The following ANXA5 variants were observed in gnomAD, a reference collection of about 807,000 sequenced individuals.
The protein encoded by ANXA5 is CBP-I.
Under a neutral mutation model 48.1 loss-of-function variants are expected in ANXA5, and 40 were observed. The observed-to-expected ratio is 0.83, with a 90% confidence interval of 0.65 to 1.08. The LOEUF (loss-of-function observed/expected upper bound fraction) is 1.08. ANXA5 is among the 50% of genes least tolerant of loss of function. The pLI is 0.00. For synonymous variants in ANXA5, 113 were observed against 129.1 expected (o/e 0.88, Z 0.85); for missense variants, 357 against 376.8 (o/e 0.95, Z 0.44).
chr4:121,683,756 A>G (rs977826845), intron 4 of ANXA5, among the ~76,000 whole-genome samples: 1 of 152,226 alleles, frequency 6.6e-6, no homozygotes, highest in Non-Finnish European at 1.5e-5. Context: ...AAGTAGTCTA[A>G]AACTATTTTA....
At chr4:121,696,737 C>A in intron 1 of ANXA5, 113 bp from the exon 2 acceptor site, 1 of 579,022 alleles carries the variant, frequency 1.7e-6, no homozygotes, top group Non-Finnish European at 2.6e-6. Context: ...GGCCCCGCCA[C>A]GGGGCCGACC....
At chr4:121,687,817 G>T (rs1724918766) in intron 2 of ANXA5, among the ~76,000 whole-genome samples, 1 of 152,162 alleles carries the variant, frequency 6.6e-6, no homozygotes, top group South Asian at 2.1e-4. Context: ...ACTTTGAAGA[G>T]GCTCCCCTGA....
intron 2 of ANXA5, among the ~76,000 whole-genome samples, chr4:121,691,037 G>T (rs1724975206): frequency 6.6e-6 from 1 of 152,168 alleles, no homozygotes; most frequent in African/African-American, 2.4e-5. Context: ...GGCTTCCCCT[G>T]TTTCCTGGAG....
intron 2 of ANXA5, among the ~76,000 whole-genome samples, 178 bp downstream of exon 2, chr4:121,696,403 G>T (rs1025359914): frequency 6.6e-6 from 1 of 152,088 alleles, no homozygotes; most frequent in African/African-American, 2.4e-5. Context: ...GGAAGAACCG[G>T]GACACAGAAA....
Position 121,672,529 on chromosome 4 carries a change from T to G in ANXA5, c.625+4A>C. Reference sequence around the variant, plus strand: ...TCTGCCCCATACAGATTTTTTTCACTCACCCTTTCTCAAATGAGACACACT... The same window carrying G: ...TCTGCCCCATACAGATTTTTTTCACGCACCCTTTCTCAAATGAGACACACT... On this transcript the variant is annotated splice_donor_region_variant and intron_variant, in intron 9 of 12. Transcript: ENST00000296511. 1.2e-6 allele frequency: 2 copies of G among 1,611,554 alleles called. No homozygotes were observed. Among genetic ancestry groups the G allele is most frequent in the Non-Finnish European group, 1.7e-6 (2 of 1,177,990 alleles).
intron 2 of ANXA5, among the ~76,000 whole-genome samples, chr4:121,693,958 TATA>T (rs1198552606): frequency 5.9e-5 from 9 of 152,196 alleles, no homozygotes; most frequent in Non-Finnish European, 8.8e-5. Flanking sequence ...TTTAAATTAT[TATA>T]ATAATTTTAA....
intron 3 of ANXA5, among the ~76,000 whole-genome samples, chr4:121,685,225 G>A (rs1277695238): frequency 6.6e-6 from 1 of 151,878 alleles, no homozygotes; most frequent in East Asian, 1.9e-4. Flanking sequence ...AAATACTTCT[G>A]CCTTTTAAAA....
chr4:121,692,994 G>A (rs1311160511), intron 2 of ANXA5, among the ~76,000 whole-genome samples: 1 of 152,228 alleles, frequency 6.6e-6, no homozygotes, highest in African/African-American at 2.4e-5. Context: ...AGCACTTTGG[G>A]AGGCCGAGGC....
chr4:121,678,779 G>A (rs146851998), intron 6 of ANXA5, among the ~76,000 whole-genome samples: 168 of 152,208 alleles, frequency 1.1e-3, no homozygotes, highest in African/African-American at 4.0e-3. Flanking sequence ...GATACATGAT[G>A]GTACTGGAAA....
intron 2 of ANXA5, among the ~76,000 whole-genome samples, chr4:121,688,709 C>G (rs2110489677): frequency 6.6e-6 from 1 of 152,254 alleles, no homozygotes; most frequent in East Asian, 1.9e-4. Flanking sequence ...ACTCCTAAGT[C>G]AAGTGGTATG....
At position 121,683,474 on chromosome 4, in the gene ANXA5, G is replaced by C. The variant is rs748503962; in HGVS notation, c.193C>G (p.Leu65Val). 2.2e-5 allele frequency: 34 copies of C among 1,567,704 alleles called. No homozygotes were observed. Among genetic ancestry groups the C allele is most frequent in the Non-Finnish European group, 2.8e-5 (32 of 1,142,736 alleles). Residue 65 changes from leucine (L) to valine (V), a missense_variant, in exon 5 of 13, where the codon CTT (leucine) becomes GTT (valine). Coordinates refer to ENST00000296511, the MANE Select transcript of ANXA5 (RefSeq NM_001154.4). ...AGTTCTGATTTCAGGTCATCCAGAA[G>C]ATCCTAACCCACAGAAAATACAAAT... Reference protein sequence around the residue: ...AAFKTLFGRDLLDDLKSELTG... With the variant: ...AAFKTLFGRDVLDDLKSELTG...
At chr4:121,693,434 G>A (rs1216641854) in intron 2 of ANXA5, among the ~76,000 whole-genome samples, 1 of 152,142 alleles carries the variant, frequency 6.6e-6, no homozygotes, top group East Asian at 1.9e-4. Flanking sequence ...TGAAATTTTA[G>A]AATAGTATGA....
chr4:121,677,887 C>T lies in ANXA5; in HGVS notation c.531+7G>A, dbSNP rs776683473. 9.9e-6 allele frequency: 16 copies of T among 1,611,138 alleles called. No individual in the cohort carries two copies. The highest frequency in any genetic ancestry group is 1.2e-5 in the Non-Finnish European group (14 of 1,177,592). ...TAATAAAGTCATCATATCCTGGTGT[C>T]ACTCACCTGAGCATCTTGTTCAACT... On this transcript the variant is annotated splice_region_variant and intron_variant, in intron 8 of 12. Coordinates refer to ENST00000296511, the MANE Select transcript of ANXA5 (RefSeq NM_001154.4).
chr4:121,693,501 A>G (rs1465627350), intron 2 of ANXA5, among the ~76,000 whole-genome samples: 1 of 152,216 alleles, frequency 6.6e-6, no homozygotes, highest in Non-Finnish European at 1.5e-5. Flanking sequence ...AAGCACTGTT[A>G]TATTTTTACC....
chr4:121,692,536 G>T (rs1434378615), intron 2 of ANXA5, among the ~76,000 whole-genome samples: 1 of 152,182 alleles, frequency 6.6e-6, no homozygotes, highest in African/African-American at 2.4e-5. Flanking sequence ...GGCATTCCAT[G>T]AATAACACTT....
intron 10 of ANXA5, among the ~76,000 whole-genome samples, chr4:121,670,446 T>C (rs1240274573): frequency 6.6e-6 from 1 of 152,170 alleles, no homozygotes; most frequent in Non-Finnish European, 1.5e-5. Context: ...TCTTGGGTGA[T>C]CTTCCTATAC....
rs950591234 is a variant in ANXA5 at position 121,669,997 on chromosome 4, C to G, written c.737G>C (p.Ser246Thr). 6.2e-7 allele frequency: 1 copy of G among 1,603,742 alleles called. No individual in the cohort carries two copies. Among genetic ancestry groups the G allele is most frequent in the South Asian group, 1.1e-5 (1 of 89,338 alleles). ...GGTCTCTGCAAGGTAGGCAGGTATA[C>G]TTCGAATAGATTTCACTAAGAAAAT... ...LLLAVVKSIR[S>T]IPAYLAETLY... The change falls in exon 11 of 13, where the codon AGT becomes ACT. Residue 246 changes from serine (S) to threonine (T), a missense_variant. Transcript: ENST00000296511.
At chr4:121,674,640 T>C (rs2110480965) in intron 8 of ANXA5, among the ~76,000 whole-genome samples, 1 of 152,342 alleles carries the variant, frequency 6.6e-6, no homozygotes, top group East Asian at 1.9e-4. Context: ...TTAATTTTCT[T>C]GGGAGAATTA....
At chr4:121,690,887 G>T (rs1578448977) in intron 2 of ANXA5, among the ~76,000 whole-genome samples, 1 of 152,194 alleles carries the variant, frequency 6.6e-6, no homozygotes, top group South Asian at 2.1e-4. Flanking sequence ...GCAAAGCCAC[G>T]TAGCGGTATT....
Sources: allele counts gnomAD v4.1 joint callset (sites outside exome capture counted in the v4.1 genomes callset), GRCh38; gene constraint gnomAD v4.1.1; transcripts MANE v1.5; gene names NCBI Gene and HGNC (gene_info 2026-07-23, HGNC 2026-07-21).